The following ZNF33B variants were observed in gnomAD, a reference collection of about 807,000 sequenced individuals.
ZNF33B encodes the protein zinc finger protein 33B, also known as zinc finger protein 11b (KOX 2).
ZNF33B carries 29 observed loss-of-function variants against 45.8 expected under a neutral mutation model. The observed-to-expected ratio is 0.63, with a 90% CI of 0.47 to 0.86. The LOEUF is 0.86. Ranked by LOEUF, ZNF33B falls within the 40% of genes least tolerant of loss-of-function variation. The pLI is 0.00. For synonymous variants in ZNF33B, 305 were observed against 307.8 expected (o/e 0.99, Z 0.10); for missense variants, 831 against 909.9 (o/e 0.91, Z 1.12).
intron 1 of ZNF33B, among the ~76,000 whole-genome samples, chr10:42,580,894 T>C (rs561746075): frequency 2.0e-5 from 3 of 150,460 alleles, no homozygotes; most frequent in Non-Finnish European, 4.4e-5. Context: ...ACTGTCTCAA[T>C]AAATAAATAA....
chr10:42,625,678 G>C (rs1838776297), intron 4 of ZNF33B, among the ~76,000 whole-genome samples: 1 of 152,132 alleles, frequency 6.6e-6, no homozygotes, highest in Admixed American at 6.6e-5. Flanking sequence ...TCTCCATATT[G>C]GTCAGGCTGC....
chr10:42,606,791 A>G (rs1237680686), intron 4 of ZNF33B, among the ~76,000 whole-genome samples: 2 of 76,206 alleles, frequency 2.6e-5, no homozygotes, highest in Admixed American at 3.1e-4. Context: ...CACAGAACTT[A>G]AAGTAAAAAA....
intron 1 of ZNF33B, chr10:42,574,761 G>A (rs1309189346): frequency 6.6e-6 from 1 of 151,802 alleles, no homozygotes; most frequent in East Asian, 1.9e-4. Context: ...TTGACTTTAG[G>A]AACCTAGAAG....
intron 4 of ZNF33B, among the ~76,000 whole-genome samples, chr10:42,624,574 G>A (rs1838721672): frequency 6.6e-6 from 1 of 152,166 alleles, no homozygotes; most frequent in Non-Finnish European, 1.5e-5. Flanking sequence ...CTTAGGGACA[G>A]GGAGAGATTA....
At chr10:42,582,739 C>A (rs373966297) in intron 1 of ZNF33B, 71 of 173,026 alleles carry the variant, frequency 4.1e-4, no homozygotes, top group African/African-American at 1.5e-3. Context: ...GGTTTCAAAA[C>A]CAGATAGGAC....
At chr10:42,610,833 T>C (rs779292802) in intron 4 of ZNF33B, among the ~76,000 whole-genome samples, 1 of 152,182 alleles carries the variant, frequency 6.6e-6, no homozygotes, top group Non-Finnish European at 1.5e-5. Context: ...TTTAGGGAGC[T>C]GAATATAATC....
At chr10:42,627,623 T>A (rs1838867831) in intron 4 of ZNF33B, among the ~76,000 whole-genome samples, 1 of 152,184 alleles carries the variant, frequency 6.6e-6, no homozygotes, top group African/African-American at 2.4e-5. Flanking sequence ...AATTATGGGT[T>A]TGCAACCTAT....
intron 4 of ZNF33B, among the ~76,000 whole-genome samples, chr10:42,596,955 T>C (rs1462253356): frequency 1.3e-5 from 2 of 152,036 alleles, no homozygotes; most frequent in Non-Finnish European, 2.9e-5. Flanking sequence ...GCATATATTA[T>C]ACTATCAGGT....
intron 2 of ZNF33B, among the ~76,000 whole-genome samples, chr10:42,635,293 A>T (rs1448089261): frequency 6.6e-6 from 1 of 152,078 alleles, no homozygotes; most frequent in Non-Finnish European, 1.5e-5. Flanking sequence ...GCAGGCCAAA[A>T]GGTTCCTGTC....
At position 42,627,983 on chromosome 10, in the gene ZNF33B, G is replaced by C. The variant is rs115106787; in HGVS notation, c.250+3946C>G. Among the ~76,000 whole-genome samples the C allele has an allele frequency of 1.7e-3, 252 of 152,076 alleles. 1 individual carries two copies. The highest frequency in any genetic ancestry group is 6.0e-3 in the African/African-American group (248 of 41,502). ...TTCTGAATATTCCATGGACACTTGA[G>C]AAAAAAATTGTATTTTGCTGTTGTT... is the stretch of plus-strand genomic sequence containing the variant. On this transcript the variant is annotated intron_variant, in intron 4 of 4. Transcript: ENST00000359467.
At chr10:42,605,326 G>C (rs183265317) in intron 4 of ZNF33B, 1 of 148,252 alleles carries the variant, frequency 6.7e-6, no homozygotes, top group Admixed American at 6.7e-5. Context: ...AGAAAATCCT[G>C]AAAGCATCAA....
intron 1 of ZNF33B, among the ~76,000 whole-genome samples, chr10:42,637,592 A>G (rs1244766288): frequency 6.6e-6 from 1 of 152,170 alleles, no homozygotes; most frequent in Non-Finnish European, 1.5e-5. Flanking sequence ...AGTAACCTTG[A>G]CAAACAAAAA....
At chr10:42,580,185 C>T (rs1030369175) in intron 1 of ZNF33B, among the ~76,000 whole-genome samples, 3 of 152,124 alleles carry the variant, frequency 2.0e-5, no homozygotes, top group Admixed American at 2.0e-4. Context: ...ATATTGAGGA[C>T]GGTGAGGTCA....
chr10:42,575,852 C>G (rs2132009878), intron 1 of ZNF33B, among the ~76,000 whole-genome samples: 1 of 151,636 alleles, frequency 6.6e-6, no homozygotes, highest in African/African-American at 2.4e-5. Context: ...GCCTCAGCCT[C>G]CCCAGTAGCT....
chr10:42,607,989 G>A (rs967137995), intron 4 of ZNF33B, among the ~76,000 whole-genome samples: 1 of 152,122 alleles, frequency 6.6e-6, no homozygotes, highest in African/African-American at 2.4e-5. Flanking sequence ...CAAACAGGTT[G>A]AAAATTTGAA....
intron 4 of ZNF33B, among the ~76,000 whole-genome samples, chr10:42,623,788 C>A (rs1029897736): frequency 6.6e-6 from 1 of 152,202 alleles, no homozygotes; most frequent in Non-Finnish European, 1.5e-5. Context: ...TGCCACTAGA[C>A]TGTACACTTA....
chr10:42,632,522 T>A (rs1246229906), intron 2 of ZNF33B, 83 bp from the exon 3 acceptor site: 1 of 1,526,976 alleles, frequency 6.5e-7, no homozygotes, highest in East Asian at 2.3e-5. Context: ...AATATTTGTT[T>A]TGCTTTATAC....
At chr10:42,578,009 C>T (rs1220134967) in intron 1 of ZNF33B, among the ~76,000 whole-genome samples, 5 of 152,130 alleles carry the variant, frequency 3.3e-5, no homozygotes, top group African/African-American at 4.8e-5. Flanking sequence ...AACCACCCCT[C>T]CTCTAGTCAC....
At chr10:42,575,195 C>CT (rs1836730406) in intron 1 of ZNF33B, among the ~76,000 whole-genome samples, 1 of 152,184 alleles carries the variant, frequency 6.6e-6, no homozygotes, top group South Asian at 2.1e-4. Flanking sequence ...CACAGAGTGA[C>CT]TATCAGTGCC....
Sources: allele counts gnomAD v4.1 joint callset (sites outside exome capture counted in the v4.1 genomes callset), GRCh38; gene constraint gnomAD v4.1.1; transcripts MANE v1.5; gene names NCBI Gene and HGNC (gene_info 2026-07-23, HGNC 2026-07-21).